The following CFI variants were observed in gnomAD, a reference collection of about 807,000 sequenced individuals.
CFI encodes complement factor I.
CFI carries 66 observed loss-of-function variants against 78.8 expected under a neutral mutation model. The ratio of observed to expected loss-of-function variants is 0.84; its 90% CI spans 0.69 to 1.03. The LOEUF (loss-of-function observed/expected upper bound fraction) is 1.03, where lower values mean the gene tolerates loss of function less well. Among genes scored for constraint, CFI ranks in the 50% least tolerant of loss-of-function variants. The pLI is 0.00. For missense variants in CFI, 706 were observed against 704.5 expected (o/e 1.00, Z -0.02); for synonymous variants, 250 against 232.6 (o/e 1.07, Z -0.68).
chr4:109,739,262 T>C (rs1263158059), downstream of CFI, among the ~76,000 whole-genome samples: 1 of 150,398 alleles, frequency 6.6e-6, no homozygotes, highest in African/African-American at 2.5e-5. Context: ...GTCTTCAGGA[T>C]AAAGATAGCT....
intron 1 of CFI, among the ~76,000 whole-genome samples, chr4:109,779,859 A>T (rs1360538143): frequency 6.6e-6 from 1 of 152,172 alleles, no homozygotes; most frequent in Non-Finnish European, 1.5e-5. Context: ...TCTTTGACAA[A>T]CCTGACAACA....
At chr4:109,740,150 G>A (rs1011230147), downstream of CFI, among the ~76,000 whole-genome samples, 5 of 152,036 alleles carry the variant, frequency 3.3e-5, no homozygotes, top group African/African-American at 1.2e-4. Flanking sequence ...AATTAGCTAG[G>A]CATGGTAGTG....
At chr4:109,735,243 C>T in the CFI span, among the ~76,000 whole-genome samples, 3 of 151,802 alleles carry the variant, frequency 2.0e-5, no homozygotes, top group Non-Finnish European at 4.4e-5. Flanking sequence ...TCATGAGCCA[C>T]CGCACCCAGC....
At chr4:109,799,111 T>C (rs1732430495) in intron 1 of CFI, among the ~76,000 whole-genome samples, 1 of 152,108 alleles carries the variant, frequency 6.6e-6, no homozygotes, top group Non-Finnish European at 1.5e-5. Flanking sequence ...GCCCTGAGCA[T>C]GTATGGGGCT....
chr4:109,800,729 AT>A (rs1440920756), intron 1 of CFI, among the ~76,000 whole-genome samples: 1 of 152,118 alleles, frequency 6.6e-6, no homozygotes, highest in Non-Finnish European at 1.5e-5. Flanking sequence ...TTAGTCATAT[AT>A]ATAAGTAGGT....
intron 7 of CFI, 113 bp from the exon 8 acceptor site, chr4:109,752,616 C>T: frequency 1.1e-6 from 1 of 889,116 alleles, no homozygotes; most frequent in Non-Finnish European, 1.8e-6. Context: ...CTTATCCTCC[C>T]TTTTATAAAG....
chr4:109,746,071 A>C (rs1724376820), intron 11 of CFI, 151 bp downstream of exon 11: 2 of 919,204 alleles, frequency 2.2e-6, no homozygotes, highest in Admixed American at 4.4e-5. Flanking sequence ...CACATGCTGC[A>C]AACCCATGAA....
At chr4:109,792,421 C>A (rs1731495937) in intron 1 of CFI, among the ~76,000 whole-genome samples, 1 of 152,048 alleles carries the variant, frequency 6.6e-6, no homozygotes, top group Admixed American at 6.6e-5. Flanking sequence ...ACTAAAAATA[C>A]ACAAATTAGC....
chr4:109,755,571 G>A (rs1222378005), intron 7 of CFI, among the ~76,000 whole-genome samples: 3 of 152,128 alleles, frequency 2.0e-5, no homozygotes, highest in Middle Eastern at 3.4e-3. Context: ...GTGAGAGTGG[G>A]CTTGTTATAT....
intron 1 of CFI, among the ~76,000 whole-genome samples, chr4:109,777,627 C>T (rs1729431381): frequency 6.6e-6 from 1 of 152,146 alleles, no homozygotes; most frequent in Admixed American, 6.6e-5. Flanking sequence ...CTGCACCAAG[C>T]AGACCTAATA....
chr4:109,763,099 G>T (rs1158220988), intron 3 of CFI, among the ~76,000 whole-genome samples: 1 of 152,052 alleles, frequency 6.6e-6, no homozygotes, highest in Admixed American at 6.6e-5. Context: ...ATACAAGAAA[G>T]AACAAACCAA....
intron 1 of CFI, among the ~76,000 whole-genome samples, chr4:109,778,708 G>A (rs1729602437): frequency 6.6e-6 from 1 of 152,046 alleles, no homozygotes; most frequent in Non-Finnish European, 1.5e-5. Context: ...ATATCCCTGA[G>A]GAATACTGAT....
intron 8 of CFI, among the ~76,000 whole-genome samples, chr4:109,750,319 G>A (rs966456680): frequency 1.3e-5 from 2 of 152,070 alleles, no homozygotes; most frequent in Non-Finnish European, 2.9e-5. Flanking sequence ...TCTAGAGGCT[G>A]TTTATATGGA....
chr4:109,755,913 C>T (rs115596851), intron 7 of CFI, among the ~76,000 whole-genome samples: 190 of 152,118 alleles, frequency 1.2e-3, no homozygotes, highest in African/African-American at 4.3e-3. Context: ...GCAAGATAAA[C>T]ACAGTGGAGT....
At chr4:109,770,010 GC>G (rs1185364827) in intron 1 of CFI, among the ~76,000 whole-genome samples, 1 of 152,190 alleles carries the variant, frequency 6.6e-6, no homozygotes, top group Non-Finnish European at 1.5e-5. Context: ...ATGAAGAGAA[GC>G]GGCAGCACCT....
At chr4:109,755,294 C>T (rs987683422) in intron 7 of CFI, among the ~76,000 whole-genome samples, 1 of 152,116 alleles carries the variant, frequency 6.6e-6, no homozygotes, top group East Asian at 1.9e-4. Context: ...AGAAAACCCG[C>T]AGGCATTATT....
rs1455374585 is a variant in CFI at position 109,761,504 on chromosome 4, A to G, written c.658+13T>C. ...TCAAGGAAGGGAAAATAACAGGCAAATACTCCACCAACCTGCTTTCTGTGT... is the reference window on the plus strand; with the variant it reads ...TCAAGGAAGGGAAAATAACAGGCAAGTACTCCACCAACCTGCTTTCTGTGT... On this transcript the variant is annotated intron_variant, in intron 4 of 12. Transcript: ENST00000394634. 4.3e-6 allele frequency: 7 copies of G among 1,613,634 alleles called. No homozygotes were observed. The highest frequency in any genetic ancestry group is 5.9e-6 in the Non-Finnish European group (7 of 1,179,698).
chr4:109,797,314 T>C (rs1239272595), intron 1 of CFI, among the ~76,000 whole-genome samples: 1 of 152,106 alleles, frequency 6.6e-6, no homozygotes, highest in Non-Finnish European at 1.5e-5. Flanking sequence ...GAGCCAAGAA[T>C]ATATAATGGG....
intron 8 of CFI, among the ~76,000 whole-genome samples, chr4:109,750,743 T>C (rs1281054395): frequency 6.6e-6 from 1 of 152,184 alleles, no homozygotes. Context: ...AAAATGAATA[T>C]TGCTGTTAAT....
Sources: allele counts gnomAD v4.1 joint callset (sites outside exome capture counted in the v4.1 genomes callset), GRCh38; gene constraint gnomAD v4.1.1; transcripts MANE v1.5; gene names NCBI Gene and HGNC (gene_info 2026-07-23, HGNC 2026-07-21).